SLC6A20: variants seen among roughly 807,000 people sequenced by gnomAD.
SLC6A20 encodes the protein solute carrier family 6 member 20.
In SLC6A20, 73 loss-of-function variants were observed where a neutral mutation model predicts 64.3. The observed-to-expected ratio is 1.14, with a 90% CI of 0.94 to 1.38. The LOEUF (loss-of-function observed/expected upper bound fraction) is 1.38. Among genes scored for constraint, SLC6A20 ranks in the 40% most tolerant of loss-of-function variants. The pLI, the probability that SLC6A20 is intolerant of heterozygous loss-of-function variation, is 0.00. For synonymous variants in SLC6A20, 347 were observed against 329.6 expected (o/e 1.05, Z -0.57); for missense variants, 725 against 772.8 (o/e 0.94, Z 0.73).
chr3:45,755,884 T>C lies in SLC6A20; in HGVS notation c.*3094A>G, dbSNP rs1699531622. On this transcript the variant is annotated 3_prime_UTR_variant, in exon 11 of 11. Coordinates refer to ENST00000358525, the MANE Select transcript of SLC6A20 (RefSeq NM_020208.4). The stretch of plus-strand genomic sequence containing the variant: ...ATGAGCAAAAACTATTCCGTAGAAG[T>C]AACTCTTCCATATAATTGGAAATGC... 6.6e-6 allele frequency: 1 copy of C among 152,564 alleles called. No individual in the cohort carries two copies. Among genetic ancestry groups the C allele is most frequent in the Non-Finnish European group, 1.5e-5 (1 of 68,038 alleles). The allele number at this position is 152,564 out of a possible 1,614,324, so 9.5% of individuals were successfully genotyped here. A position where few individuals can be genotyped will look rare whatever the true frequency, so the allele number is the denominator to read the frequency against.
In SLC6A20 at chr3:45,765,879, G is replaced by A. The variant is rs1423250540; in HGVS notation, c.1099-138C>T. 2.3e-6 allele frequency: 2 copies of A among 864,692 alleles called. No individual in the cohort carries two copies. Among genetic ancestry groups the A allele is most frequent in the Non-Finnish European group, 3.6e-6 (2 of 558,330 alleles). The allele number at this position is 864,692 out of a possible 1,614,324, so 53.6% of individuals were successfully genotyped here. A position where few individuals can be genotyped will look rare whatever the true frequency, so the allele number is the denominator to read the frequency against. ...TGTGAGGTTGGAGCTTCCATCTGCA[G>A]ATCAACCCCTTACACTCAGCTGGGC... On this transcript the variant is annotated intron_variant, in intron 7 of 10. Coordinates refer to ENST00000358525, the MANE Select transcript of SLC6A20 (RefSeq NM_020208.4). This position sits in a 1 kb window ranked among gnomAD's most constrained non-coding sequence, Gnocchi z 4.2.
intron 4 of SLC6A20, among the ~76,000 whole-genome samples, chr3:45,774,060 G>C (rs1009400820): frequency 2.6e-5 from 4 of 152,180 alleles, no homozygotes; most frequent in African/African-American, 9.7e-5. Context: ...ACGTGATCCA[G>C]CCTAATCTAT....
intron 1 of SLC6A20, among the ~76,000 whole-genome samples, chr3:45,785,100 T>C (rs1700149676): frequency 6.6e-6 from 1 of 152,124 alleles, no homozygotes; most frequent in Admixed American, 6.5e-5. Flanking sequence ...ATTCAAACCA[T>C]AGTAGGATGA....
At chr3:45,796,274 G>C in intron 1 of SLC6A20, 25 bp downstream of exon 1, 2 of 1,581,998 alleles carry the variant, frequency 1.3e-6, no homozygotes, top group Non-Finnish European at 8.6e-7. Context: ...AGTTGGGCTG[G>C]GGCCGGGGCG....
chr3:45,766,945 C>T (rs1559563526), intron 7 of SLC6A20, among the ~76,000 whole-genome samples: 6 of 152,196 alleles, frequency 3.9e-5, no homozygotes, highest in Admixed American at 2.6e-4. Context: ...TGAGATCAGC[C>T]TGCGCAACAT....
At chr3:45,774,510 C>T (rs1482591189) in intron 4 of SLC6A20, among the ~76,000 whole-genome samples, 3 of 152,184 alleles carry the variant, frequency 2.0e-5, no homozygotes, top group Admixed American at 6.5e-5. Flanking sequence ...GCTCACTCGT[C>T]CCTTTCCTCA....
At chr3:45,780,197 C>G in intron 2 of SLC6A20, 97 bp from the exon 3 acceptor site, 1 of 1,222,448 alleles carries the variant, frequency 8.2e-7, no homozygotes, top group African/African-American at 1.5e-5. Context: ...GTGGCGACCG[C>G]CCCGGGGTGG....
chr3:45,758,778 G>A lies in SLC6A20; in HGVS notation c.*200C>T. ...CCCCTTCCATGATGAGGAGGCAGGTGACAGGGAGGAACAGCCACCACGGGA... is the reference window on the plus strand; with the variant it reads ...CCCCTTCCATGATGAGGAGGCAGGTAACAGGGAGGAACAGCCACCACGGGA... On this transcript the variant is annotated 3_prime_UTR_variant, in exon 11 of 11. Coordinates refer to ENST00000358525, the MANE Select transcript of SLC6A20 (RefSeq NM_020208.4). 1 of 1,335,960 alleles carries A rather than the reference G, an allele frequency of 7.5e-7. No homozygotes were observed. Among genetic ancestry groups the A allele is most frequent in the East Asian group, 2.9e-5 (1 of 34,000 alleles). 82.8% of individuals were successfully genotyped at this position (1,335,960 alleles called of 1,614,324 possible).
Position 45,763,154 on chromosome 3 carries a change from G to A in SLC6A20, c.1304-82C>T, listed in dbSNP as rs570894805. Reference sequence around the variant, plus strand: ...CAGTTCTCTACAGGACAGTGGGGTCGTCGGCCCTCAGGGAATTTTGGCTGA... The same window carrying A: ...CAGTTCTCTACAGGACAGTGGGGTCATCGGCCCTCAGGGAATTTTGGCTGA... On this transcript the variant is annotated intron_variant, in intron 8 of 10. Coordinates refer to ENST00000358525, the MANE Select transcript of SLC6A20 (RefSeq NM_020208.4). The A allele has an allele frequency of 9.1e-4, 1,424 of 1,564,910 alleles. 21 individuals carry two copies. The South Asian group carries it at 0.015, about 17-fold the overall frequency.
chr3:45,764,953 C>T (rs1699750861), intron 8 of SLC6A20, among the ~76,000 whole-genome samples: 1 of 129,190 alleles, frequency 7.7e-6, no homozygotes, highest in Admixed American at 7.3e-5. Context: ...TGGCTCACAC[C>T]TGTAATCCCA....
Position 45,796,467 on chromosome 3 carries a change from C to T in SLC6A20, c.-48G>A, listed in dbSNP as rs1454588465. The T allele has an allele frequency of 1.9e-6, 3 of 1,579,704 alleles. No individual in the cohort carries two copies. Among genetic ancestry groups the T allele is most frequent in the Non-Finnish European group, 2.6e-6 (3 of 1,163,038 alleles). On this transcript the variant is annotated 5_prime_UTR_variant, in exon 1 of 11. Coordinates refer to ENST00000358525, the MANE Select transcript of SLC6A20 (RefSeq NM_020208.4). ...GCTCCGGCTCGGGGGTCCGGCACGGCAGTCTCAGTGCGCGGTCGCCAGGCG... is the reference window on the plus strand; with the variant it reads ...GCTCCGGCTCGGGGGTCCGGCACGGTAGTCTCAGTGCGCGGTCGCCAGGCG...
chr3:45,782,335 C>G (rs886713715), intron 1 of SLC6A20, 112 bp from the exon 2 acceptor site: 117 of 1,384,868 alleles, frequency 8.4e-5, no homozygotes, highest in Non-Finnish European at 1.0e-4. Flanking sequence ...CTTGTCCATG[C>G]ATTCTCCTAC....
chr3:45,779,863 G>T (rs1700040131), intron 3 of SLC6A20, 146 bp downstream of exon 3: 1 of 825,204 alleles, frequency 1.2e-6, no homozygotes, highest in Admixed American at 2.5e-5. Flanking sequence ...GGGGTGCATG[G>T]CTTCCCCTCC....
intron 8 of SLC6A20, 150 bp from the exon 9 acceptor site, chr3:45,763,222 C>T (rs1699716723): frequency 2.5e-6 from 3 of 1,220,772 alleles, no homozygotes; most frequent in Non-Finnish European, 2.3e-6. Context: ...ATGGTTTGGA[C>T]TCTCTGAAGG....
At chr3:45,769,196 G>A (rs751275997) in intron 7 of SLC6A20, among the ~76,000 whole-genome samples, 2 of 152,166 alleles carry the variant, frequency 1.3e-5, no homozygotes, top group Non-Finnish European at 2.9e-5. Flanking sequence ...GATGTGCCAA[G>A]ACATTCATAG....
At position 45,765,170 on chromosome 3, in the gene SLC6A20, G is replaced by A. The variant is rs1278742572; in HGVS notation, c.1303+367C>T. Among the ~76,000 whole-genome samples, 6 of 151,970 alleles carry A rather than the reference G, an allele frequency of 3.9e-5. No homozygotes were observed. The highest frequency in any genetic ancestry group is 5.9e-5 in the Non-Finnish European group (4 of 67,982). ...GGAGGTTGCAGTGAGCCAAGATCAC[G>A]CCACTGAACTCCAGCCTGGGCAACA... On this transcript the variant is annotated intron_variant, in intron 8 of 10. Transcript: ENST00000358525. The surrounding 1 kb of genome is among the most constrained non-coding windows in gnomAD (Gnocchi z 4.2).
At chr3:45,766,125 G>C (rs1323384662) in intron 7 of SLC6A20, among the ~76,000 whole-genome samples, 1 of 152,236 alleles carries the variant, frequency 6.6e-6, no homozygotes, top group Non-Finnish European at 1.5e-5. Flanking sequence ...GGCCAGGGCA[G>C]CAGGAAGCAG....
intron 1 of SLC6A20, among the ~76,000 whole-genome samples, chr3:45,789,711 G>A (rs757510091): frequency 1.4e-4 from 21 of 152,150 alleles, no homozygotes; most frequent in African/African-American, 3.6e-4. Flanking sequence ...TGGTGATTTC[G>A]TATTTTATTA....
In SLC6A20 at chr3:45,772,519, T is replaced by C. The variant is rs1370647324; in HGVS notation, c.679A>G (p.Met227Val). ...TCAGCCCGTACCTTGGGAGTGAACATGTACATGAGGCCATTGGTGGCTCCG... is the reference window on the plus strand; with the variant it reads ...TCAGCCCGTACCTTGGGAGTGAACACGTACATGAGGCCATTGGTGGCTCCG... The part of the protein sequence containing the change: ...LHGATNGLMY[M>V]FTPKIEQLAN... The change falls in exon 5 of 11, where the codon ATG becomes GTG. Residue 227 changes from methionine (M) to valine (V), a missense_variant. Met to Val is a conservative substitution (Grantham distance 21). Coordinates refer to ENST00000358525, the MANE Select transcript of SLC6A20 (RefSeq NM_020208.4). 1 of 1,612,966 alleles carries C rather than the reference T, an allele frequency of 6.2e-7. No individual in the cohort carries two copies. Among genetic ancestry groups the C allele is most frequent in the South Asian group, 1.1e-5 (1 of 90,856 alleles).
Sources: allele counts gnomAD v4.1 joint callset (sites outside exome capture counted in the v4.1 genomes callset), GRCh38; gene constraint gnomAD v4.1.1; non-coding constraint Gnocchi (gnomAD v3.1); transcripts MANE v1.5; gene names NCBI Gene and HGNC (gene_info 2026-07-23, HGNC 2026-07-21).